The following RPN2 variants were observed in gnomAD, a reference collection of about 807,000 sequenced individuals.
RPN2 encodes dolichyl-diphosphooligosaccharide--protein glycosyltransferase subunit 2.
A neutral mutation model predicts 71.4 loss-of-function variants in RPN2; 29 were observed. That is an observed-to-expected ratio of 0.41 (90% CI 0.30 to 0.55). RPN2 has a LOEUF of 0.55. RPN2 is among the 20% of genes least tolerant of loss of function. The pLI is 0.35. For missense variants in RPN2, 726 were observed against 774.1 expected, an observed-to-expected ratio of 0.94 and a Z score of 0.74; for synonymous variants, 308 against 305.0, an observed-to-expected ratio of 1.01 and a Z score of -0.10.
chr20:37,188,181 T>C (rs774872473), intron 2 of RPN2, among the ~76,000 whole-genome samples: 16 of 152,216 alleles, frequency 1.1e-4, no homozygotes, highest in Admixed American at 3.3e-4. Context: ...TGTTTGTTTT[T>C]GTTTTTGAGA....
At chr20:37,220,197 G>T (rs1200453030) in intron 9 of RPN2, among the ~76,000 whole-genome samples, 1 of 152,116 alleles carries the variant, frequency 6.6e-6, no homozygotes, top group Non-Finnish European at 1.5e-5. Context: ...GTGTGTGTGT[G>T]TGTGTGTGAG....
chr20:37,181,646 C>T (rs1284981063), intron 1 of RPN2, among the ~76,000 whole-genome samples: 2 of 151,988 alleles, frequency 1.3e-5, no homozygotes, highest in East Asian at 1.9e-4. Flanking sequence ...CTTGAACTCC[C>T]GACCTCAGGT....
At chr20:37,184,468 T>C (rs1600730860) in intron 2 of RPN2, 95 bp downstream of exon 2, 1 of 1,094,800 alleles carries the variant, frequency 9.1e-7, no homozygotes, top group South Asian at 1.3e-5. Flanking sequence ...TAACTCTTGC[T>C]CATTTGAGGA....
intron 4 of RPN2, 92 bp downstream of exon 4, chr20:37,199,317 G>T: frequency 1.3e-6 from 2 of 1,491,518 alleles, no homozygotes; most frequent in South Asian, 1.2e-5. Context: ...ATACTTTCTG[G>T]GCAAGTACTT....
At chr20:37,194,110 C>T (rs1325236042) in intron 2 of RPN2, among the ~76,000 whole-genome samples, 1 of 152,156 alleles carries the variant, frequency 6.6e-6, no homozygotes. Flanking sequence ...ATGTCCTCTG[C>T]TTCGACAATT....
At chr20:37,201,250 CGTT>C (rs1237473238) in intron 4 of RPN2, among the ~76,000 whole-genome samples, 1 of 140,874 alleles carries the variant, frequency 7.1e-6, no homozygotes, top group Non-Finnish European at 1.5e-5. Context: ...TTACTTCCTT[CGTT>C]GTTGTTATTT....
intron 11 of RPN2, 125 bp from the exon 12 acceptor site, chr20:37,228,425 G>T (rs2068136680): frequency 2.2e-6 from 2 of 906,004 alleles, no homozygotes. Context: ...GGCAGGTCTG[G>T]CAGATCCCAG....
chr20:37,179,334 T>C lies in RPN2; in HGVS notation c.-23T>C. The C allele has an allele frequency of 6.9e-7, 1 of 1,449,372 alleles. No homozygotes were observed. Among genetic ancestry groups the C allele is most frequent in the Non-Finnish European group, 9.1e-7 (1 of 1,099,708 alleles). 89.8% of individuals were successfully genotyped at this position (1,449,372 alleles called of 1,614,324 possible). ...GCGGAAGTCAGCCCGCGGCTCGGACTCCGGCGGGACCTGCTCGGAGGAATG... is the reference window on the plus strand; with the variant it reads ...GCGGAAGTCAGCCCGCGGCTCGGACCCCGGCGGGACCTGCTCGGAGGAATG... On this transcript the variant is annotated 5_prime_UTR_variant, in exon 1 of 17. Coordinates refer to ENST00000237530, the MANE Select transcript of RPN2 (RefSeq NM_002951.5).
intron 8 of RPN2, among the ~76,000 whole-genome samples, chr20:37,211,279 C>T (rs2067657738): frequency 6.6e-6 from 1 of 151,466 alleles, no homozygotes; most frequent in Admixed American, 6.6e-5. Flanking sequence ...AAGTGATCCA[C>T]CCACCTCGGC....
At chr20:37,232,847 A>C (rs1171628143) in intron 14 of RPN2, among the ~76,000 whole-genome samples, 1 of 152,228 alleles carries the variant, frequency 6.6e-6, no homozygotes, top group African/African-American at 2.4e-5. Context: ...CTGATAGGAC[A>C]AGATTGCCAA....
At chr20:37,210,595 A>G (rs1270053471) in intron 8 of RPN2, among the ~76,000 whole-genome samples, 3 of 149,000 alleles carry the variant, frequency 2.0e-5, no homozygotes, top group African/African-American at 7.5e-5. Context: ...CAATGGTGCA[A>G]TCTCAGCTCA....
chr20:37,209,896 T>A (rs1431382594), intron 7 of RPN2, 151 bp from the exon 8 acceptor site: 1 of 1,340,910 alleles, frequency 7.5e-7, no homozygotes, highest in Non-Finnish European at 1.0e-6. Flanking sequence ...ACTTTAGGAT[T>A]AGGCAGCAGG....
rs1261574000 is a variant in RPN2, at chr20:37,230,147, T to C, written c.1581+88T>C. On this transcript the variant is annotated intron_variant, in intron 13 of 16. Coordinates refer to ENST00000237530, the MANE Select transcript of RPN2 (RefSeq NM_002951.5). ...GTGGCTCTGCTCCCTTTAACTTGTT[T>C]TGTGATGTTTTATAGTTTGATCCTC... The C allele has an allele frequency of 2.8e-5, 29 of 1,027,682 alleles. 1 individual carries two copies. Among genetic ancestry groups the C allele is most frequent in the Non-Finnish European group, 4.2e-5 (27 of 646,054 alleles). The allele number at this position is 1,027,682 out of a possible 1,614,324, so 63.7% of individuals were successfully genotyped here.
chr20:37,228,681 C>T lies in RPN2; in HGVS notation c.1431C>T (p.Gly477=). ...ERKIEFDSAS[G]TYTLYLIIGD... ...AGATTGAATTTGACTCTGCCTCTGG[C>T]ACCTACACTCTCTACTTAATCATTG... Residue 477 remains glycine (G), a synonymous_variant, in exon 12 of 17, where the codon GGC becomes GGT. Coordinates refer to ENST00000237530, the MANE Select transcript of RPN2 (RefSeq NM_002951.5). 6.2e-7 allele frequency: 1 copy of T among 1,614,216 alleles called. No homozygotes were observed. Among genetic ancestry groups the T allele is most frequent in the East Asian group, 2.2e-5 (1 of 44,892 alleles).
Position 37,228,728 on chromosome 20 carries a change from C to G in RPN2, c.1478C>G (p.Pro493Arg). The change falls in exon 12 of 17, where the codon CCA (proline) becomes CGA (arginine). Residue 493 changes from proline to arginine, a missense_variant. Coordinates refer to ENST00000237530, the MANE Select transcript of RPN2 (RefSeq NM_002951.5). ...LIIGDATLKN[P>R]ILWNVADVVI... ...ATTGGAGATGCCACTTTGAAGAACC[C>G]AATCCTCTGGAATGTGGTATGTGCC... 2 of 1,614,148 alleles carry G rather than the reference C, an allele frequency of 1.2e-6. No homozygotes were observed. The highest frequency in any genetic ancestry group is 1.7e-6 in the Non-Finnish European group (2 of 1,179,996).
intron 6 of RPN2, among the ~76,000 whole-genome samples, chr20:37,205,504 C>G (rs2067492692): frequency 6.6e-6 from 1 of 151,998 alleles, no homozygotes; most frequent in Non-Finnish European, 1.5e-5. Flanking sequence ...GAGAAGTTAC[C>G]AGCCCTTAAT....
At chr20:37,182,351 C>A (rs969449079) in intron 1 of RPN2, among the ~76,000 whole-genome samples, 9 of 152,090 alleles carry the variant, frequency 5.9e-5, no homozygotes, top group Non-Finnish European at 1.3e-4. Flanking sequence ...ACCTCGGCCT[C>A]CCAAAGTGCT....
At chr20:37,214,439 C>T (rs1364055032) in intron 9 of RPN2, among the ~76,000 whole-genome samples, 1 of 152,158 alleles carries the variant, frequency 6.6e-6, no homozygotes, top group Non-Finnish European at 1.5e-5. Context: ...AGGTAGTTCA[C>T]CTTAGTATTT....
chr20:37,228,208 A>G (rs548388540), intron 11 of RPN2, among the ~76,000 whole-genome samples: 1 of 152,302 alleles, frequency 6.6e-6, no homozygotes, highest in African/African-American at 2.4e-5. Flanking sequence ...GAAGCAGTTA[A>G]TTGGGCAGCA....
Sources: gnomAD v4.1 joint callset for allele counts (sites outside exome capture counted in the v4.1 genomes callset) on GRCh38, gnomAD v4.1.1 for gene constraint, MANE v1.5 for transcripts, NCBI Gene and HGNC (gene_info 2026-07-23, HGNC 2026-07-21) for gene names.